The following NOX4 variants were observed in gnomAD, a reference collection of about 807,000 sequenced individuals.
NOX4 encodes NADPH oxidase 4, also known as kidney oxidase-1.
In NOX4, 69 loss-of-function variants were observed where a neutral mutation model predicts 87.6. The ratio of observed to expected loss-of-function variants is 0.79; its 90% confidence interval spans 0.65 to 0.96. The LOEUF is 0.96. Among genes scored for constraint, NOX4 ranks in the 40% least tolerant of loss-of-function variants. The pLI is 0.00. For missense variants in NOX4, 680 were observed against 681.5 expected, an observed-to-expected ratio of 1.00 and a Z score of 0.02; for synonymous variants, 275 against 238.2, an observed-to-expected ratio of 1.15 and a Z score of -1.42.
chr11:89,380,903 A>G lies in NOX4; in HGVS notation c.1075-7411T>C, dbSNP rs115015264. 7.2e-3 allele frequency among the ~76,000 whole-genome samples: 1,091 copies of G among 152,286 alleles called. 12 individuals are homozygous for G. Among genetic ancestry groups the G allele is most frequent in the African/African-American group, 0.024 (1,015 of 41,558 alleles). On this transcript the variant is annotated intron_variant, in intron 11 of 17. Coordinates refer to ENST00000263317, the MANE Select transcript of NOX4 (RefSeq NM_016931.5). Reference sequence around the variant, plus strand: ...AAGCAATAAAATTATGAAAACATAGAGCAAAACAATTTTTAAGATTTAAAT... The same window carrying G: ...AAGCAATAAAATTATGAAAACATAGGGCAAAACAATTTTTAAGATTTAAAT...
the NOX4 span, among the ~76,000 whole-genome samples, chr11:89,573,337 C>T: frequency 6.6e-6 from 1 of 152,104 alleles, no homozygotes. Context: ...GAGATCGAGA[C>T]CATCCTAGCT....
At chr11:89,426,590 C>G (rs1343251434) in intron 7 of NOX4, among the ~76,000 whole-genome samples, 3 of 152,160 alleles carry the variant, frequency 2.0e-5, no homozygotes, top group Non-Finnish European at 4.4e-5. Context: ...ACGCATGTCT[C>G]AGAGGGTCCC....
At chr11:89,487,957 TC>T (rs959653569) in intron 2 of NOX4, among the ~76,000 whole-genome samples, 4 of 152,084 alleles carry the variant, frequency 2.6e-5, no homozygotes, top group Non-Finnish European at 5.9e-5. Context: ...GAGTTTCTTT[TC>T]CAATAAAAGG....
chr11:89,556,339 A>G, the NOX4 span, among the ~76,000 whole-genome samples: 3 of 152,116 alleles, frequency 2.0e-5, no homozygotes, highest in African/African-American at 4.8e-5. Flanking sequence ...CCTGGCCAAC[A>G]TGGCGAAACC....
chr11:89,370,203 C>G (rs1312329717), intron 12 of NOX4, among the ~76,000 whole-genome samples: 1 of 151,996 alleles, frequency 6.6e-6, no homozygotes, highest in Admixed American at 6.6e-5. Context: ...TATCTTCTCA[C>G]TGTAGAAAAC....
In NOX4 at chr11:89,340,096, C is replaced by G. The variant is rs1292920677; in HGVS notation, c.1413G>C (p.Trp471Cys). 6.4e-7 allele frequency: 1 copy of G among 1,572,656 alleles called. No homozygotes were observed. Among genetic ancestry groups the G allele is most frequent in the African/African-American group, 1.4e-5 (1 of 71,698 alleles). ...WVCRDIQSFRWFADLLCMLHN... is the reference protein window; with the variant it reads ...WVCRDIQSFRCFADLLCMLHN... ...GCAACATACAGAGTAAATCTGCAAA[C>G]CAACGGAAGGACTGGATATCTCTGC... Residue 471 changes from tryptophan to cysteine, a missense_variant, in exon 15 of 18, where the codon TGG becomes TGC. By Grantham distance (215) the Trp-to-Cys change is radical. Transcript: ENST00000263317.
chr11:89,432,899 G>T, intron 6 of NOX4, 43 bp from the exon 7 acceptor site: 2 of 1,329,372 alleles, frequency 1.5e-6, no homozygotes, highest in East Asian at 2.4e-5. Flanking sequence ...AAATCATAGT[G>T]AGAAAAAAAT....
At chr11:89,443,216 A>T (rs1440965789) in intron 5 of NOX4, among the ~76,000 whole-genome samples, 2 of 152,026 alleles carry the variant, frequency 1.3e-5, no homozygotes, top group African/African-American at 4.8e-5. Flanking sequence ...TGGTTTTGTG[A>T]TTTGTTTCTG....
chr11:89,402,196 C>T, intron 9 of NOX4, 130 bp downstream of exon 9: 1 of 716,306 alleles, frequency 1.4e-6, no homozygotes, highest in Non-Finnish European at 2.4e-6. Flanking sequence ...TAGGTACTAA[C>T]TTACTGTTGA....
chr11:89,404,537 C>T (rs1942058749), intron 8 of NOX4, among the ~76,000 whole-genome samples: 2 of 152,160 alleles, frequency 1.3e-5, no homozygotes, highest in South Asian at 4.2e-4. Flanking sequence ...CCAGGTCTAG[C>T]CCAGGGAAAT....
At chr11:89,363,297 A>G (rs1228277059) in intron 12 of NOX4, among the ~76,000 whole-genome samples, 1 of 152,120 alleles carries the variant, frequency 6.6e-6, no homozygotes, top group Non-Finnish European at 1.5e-5. Flanking sequence ...ATAATCTATA[A>G]TGATAGAAAA....
intron 11 of NOX4, among the ~76,000 whole-genome samples, chr11:89,393,303 T>C (rs765265758): frequency 3.3e-5 from 5 of 152,110 alleles, no homozygotes; most frequent in Non-Finnish European, 7.4e-5. Flanking sequence ...CCTGATCTAG[T>C]GCAATAATCC....
intron 11 of NOX4, among the ~76,000 whole-genome samples, chr11:89,379,243 A>G (rs984541333): frequency 3.3e-5 from 5 of 152,176 alleles, no homozygotes; most frequent in African/African-American, 9.6e-5. Context: ...TAAACAAAAC[A>G]TATGAAACCA....
At chr11:89,346,773 T>C (rs1946232220) in intron 13 of NOX4, among the ~76,000 whole-genome samples, 1 of 152,208 alleles carries the variant, frequency 6.6e-6, no homozygotes, top group Non-Finnish European at 1.5e-5. Flanking sequence ...CTCATTAGTC[T>C]TGCGCTAACA....
At chr11:89,329,193 A>AT (rs1252787934) in intron 17 of NOX4, among the ~76,000 whole-genome samples, 1 of 151,956 alleles carries the variant, frequency 6.6e-6, no homozygotes, top group Non-Finnish European at 1.5e-5. Context: ...TAAATGGAAT[A>AT]TTTTTTAAGG....
At chr11:89,537,342 G>A in the NOX4 span, among the ~76,000 whole-genome samples, 11 of 151,466 alleles carry the variant, frequency 7.3e-5, no homozygotes, top group Non-Finnish European at 1.3e-4. Flanking sequence ...AATTTAAAAA[G>A]CATATTTATA....
intron 7 of NOX4, among the ~76,000 whole-genome samples, chr11:89,431,186 C>T (rs1943761246): frequency 6.6e-6 from 1 of 152,136 alleles, no homozygotes; most frequent in Non-Finnish European, 1.5e-5. Flanking sequence ...CTTCCTTACA[C>T]CTTATACAAA....
chr11:89,423,376 ATAGAG>A (rs113361985), intron 7 of NOX4, among the ~76,000 whole-genome samples: 3,239 of 152,154 alleles, frequency 0.021, 115 homozygotes, highest in African/African-American at 0.072. Flanking sequence ...ACCCATTTCT[ATAGAG>A]TATTTTTAAT....
At chr11:89,329,356 G>GAAAAAAAAAAAAAAAA (rs377055666) in intron 17 of NOX4, among the ~76,000 whole-genome samples, 111 of 34,470 alleles carry the variant, frequency 3.2e-3, no homozygotes, top group Non-Finnish European at 4.3e-3. Context: ...GAAAAAAACT[G>GAAAAAAAAAAAAAAAA]AAAAAAAAAA....
Sources: gnomAD v4.1 joint callset for allele counts (sites outside exome capture counted in the v4.1 genomes callset) on GRCh38, gnomAD v4.1.1 for gene constraint, MANE v1.5 for transcripts, NCBI Gene and HGNC (gene_info 2026-07-23, HGNC 2026-07-21) for gene names.